EYS: variants seen among roughly 807,000 people sequenced by gnomAD.
EYS encodes protein eyes shut homolog.
In EYS, 250 loss-of-function variants were observed where a neutral mutation model predicts 282.1. The ratio of observed to expected loss-of-function variants is 0.89; its 90% CI spans 0.80 to 0.98. The LOEUF (loss-of-function observed/expected upper bound fraction) is 0.98. Among genes scored for constraint, EYS ranks in the 50% least tolerant of loss-of-function variants. EYS has a pLI of 0.00. For synonymous variants in EYS, 1,355 were observed against 1,282.9 expected (o/e 1.06, Z -1.20); for missense variants, 4,016 against 3,709.0 (o/e 1.08, Z -2.15).
chr6:65,253,832 T>G (rs888470989), intron 12 of EYS, among the ~76,000 whole-genome samples: 1 of 151,800 alleles, frequency 6.6e-6, no homozygotes, highest in Admixed American at 6.6e-5. Context: ...TTCTTTTTAT[T>G]ACGTAGTGAC....
At chr6:64,895,433 C>T (rs542298809) in intron 18 of EYS, among the ~76,000 whole-genome samples, 31 of 152,106 alleles carry the variant, frequency 2.0e-4, no homozygotes, top group African/African-American at 7.5e-4. Flanking sequence ...CAATGAAATT[C>T]CAATCAAAAT....
intron 10 of EYS, among the ~76,000 whole-genome samples, chr6:65,341,202 C>A (rs1770189707): frequency 6.6e-6 from 1 of 150,980 alleles, no homozygotes; most frequent in African/African-American, 2.4e-5. Context: ...TTCCTTTGGG[C>A]AACATTTTTA....
At chr6:64,574,964 G>A (rs1765834482) in intron 26 of EYS, among the ~76,000 whole-genome samples, 3 of 152,178 alleles carry the variant, frequency 2.0e-5, no homozygotes, top group East Asian at 1.9e-4. Context: ...CAGAAAGCTG[G>A]TCAGGCTTTT....
chr6:63,905,978 G>A (rs1773770810), intron 35 of EYS, among the ~76,000 whole-genome samples: 1 of 152,126 alleles, frequency 6.6e-6, no homozygotes, highest in African/African-American at 2.4e-5. Context: ...AATAACCTAC[G>A]TGTTGCTCAA....
At chr6:65,237,039 A>G (rs1020481986) in intron 12 of EYS, among the ~76,000 whole-genome samples, 2 of 152,214 alleles carry the variant, frequency 1.3e-5, no homozygotes, top group African/African-American at 4.8e-5. Flanking sequence ...TCACTTGAAT[A>G]TATTAACACG....
chr6:64,081,793 T>A (rs574797925), intron 32 of EYS, 63 bp downstream of exon 32: 2 of 1,255,596 alleles, frequency 1.6e-6, no homozygotes, highest in Non-Finnish European at 2.2e-6. Flanking sequence ...AAATCATTGA[T>A]TCAATAGATC....
intron 31 of EYS, among the ~76,000 whole-genome samples, chr6:64,125,740 C>T (rs1023843526): frequency 2.1e-5 from 3 of 145,140 alleles, no homozygotes; most frequent in African/African-American, 7.8e-5. Context: ...GAGAGGAGAT[C>T]GCACCACTGC....
At chr6:65,206,916 A>G (rs77698100) in intron 12 of EYS, among the ~76,000 whole-genome samples, 130 of 151,920 alleles carry the variant, frequency 8.6e-4, no homozygotes, top group African/African-American at 2.9e-3. Context: ...ACAGGTAACA[A>G]TCTGCTCAAT....
chr6:63,932,233 T>C (rs1238596582), intron 35 of EYS, among the ~76,000 whole-genome samples: 5 of 152,250 alleles, frequency 3.3e-5, no homozygotes, highest in Non-Finnish European at 5.9e-5. Flanking sequence ...TATTCATTTA[T>C]TGATGAACTT....
rs761354555 is a variant in EYS at position 64,105,188 on chromosome 6, C to A, written c.6425-23186G>T. On this transcript the variant is annotated intron_variant, in intron 31 of 42. Transcript: ENST00000503581. ...TTATGGGAGGAAAATCTTTCCTACCCACTCTATGGAAGAATTATAAACTAG... is the reference window on the plus strand; with the variant it reads ...TTATGGGAGGAAAATCTTTCCTACCAACTCTATGGAAGAATTATAAACTAG... Among the ~76,000 whole-genome samples, 18 of 151,912 alleles carry A rather than the reference C, an allele frequency of 1.2e-4. 1 individual carries two copies. The highest frequency in any genetic ancestry group is 2.2e-4 in the Non-Finnish European group (15 of 67,942).
intron 14 of EYS, among the ~76,000 whole-genome samples, chr6:64,971,815 A>C (rs144611242): frequency 6.6e-6 from 1 of 152,292 alleles, no homozygotes; most frequent in East Asian, 1.9e-4. Context: ...TAGAGAGAAC[A>C]TCATGAAATT....
At chr6:64,841,336 G>T (rs980476) in intron 19 of EYS, among the ~76,000 whole-genome samples, 1 of 151,862 alleles carries the variant, frequency 6.6e-6, no homozygotes, top group African/African-American at 2.4e-5. Context: ...AAATTTAAGA[G>T]AATATTTAAC....
chr6:63,993,406 T>C (rs1393893496), intron 34 of EYS, among the ~76,000 whole-genome samples: 2 of 151,404 alleles, frequency 1.3e-5, no homozygotes, highest in East Asian at 1.9e-4. Context: ...ATAATATACA[T>C]AGAAAACCTT....
chr6:64,280,947 G>T (rs902174907), intron 30 of EYS, among the ~76,000 whole-genome samples: 7 of 152,196 alleles, frequency 4.6e-5, no homozygotes, highest in African/African-American at 1.4e-4. Flanking sequence ...TTTTGGAAAT[G>T]AATGTTTCCT....
intron 5 of EYS, among the ~76,000 whole-genome samples, chr6:65,429,927 G>A (rs1174126420): frequency 6.6e-6 from 1 of 152,134 alleles, no homozygotes; most frequent in Non-Finnish European, 1.5e-5. Context: ...ACGCCAAGCA[G>A]TGTTCCAATA....
intron 2 of EYS, among the ~76,000 whole-genome samples, chr6:65,628,662 G>C (rs1304836835): frequency 6.6e-6 from 1 of 152,030 alleles, no homozygotes; most frequent in South Asian, 2.1e-4. Context: ...CTTAAGAGCT[G>C]TAACACTCAC....
At chr6:65,320,560 G>C (rs557849549) in intron 11 of EYS, among the ~76,000 whole-genome samples, 111 of 152,318 alleles carry the variant, frequency 7.3e-4, no homozygotes, top group African/African-American at 2.6e-3. Context: ...ACTGCTCCTT[G>C]AACGTATTCA....
At chr6:65,361,499 T>C (rs1413908726) in intron 8 of EYS, among the ~76,000 whole-genome samples, 1 of 151,418 alleles carries the variant, frequency 6.6e-6, no homozygotes, top group Non-Finnish European at 1.5e-5. Flanking sequence ...CTTTTTTTTT[T>C]GGTCTGTGTC....
intron 1 of EYS, among the ~76,000 whole-genome samples, chr6:65,642,315 T>C (rs965217305): frequency 1.3e-5 from 2 of 152,168 alleles, no homozygotes; most frequent in Admixed American, 1.3e-4. Context: ...TAATTAACTG[T>C]ATAATTAAGC....
Sources: gnomAD v4.1 joint callset for allele counts (sites outside exome capture counted in the v4.1 genomes callset) on GRCh38, gnomAD v4.1.1 for gene constraint, MANE v1.5 for transcripts, NCBI Gene and HGNC (gene_info 2026-07-23, HGNC 2026-07-21) for gene names.